WIPF1: variants seen among roughly 807,000 people sequenced by gnomAD.
WIPF1 encodes the protein WAS/WASL interacting protein family member 1.
A neutral mutation model predicts 35.4 loss-of-function variants in WIPF1; 13 were observed. The observed-to-expected ratio is 0.37, with a 90% CI of 0.24 to 0.58. WIPF1 has a LOEUF of 0.58. Ranked by LOEUF, WIPF1 falls within the 20% of genes least tolerant of loss-of-function variation. WIPF1 has a pLI of 0.74. For missense variants in WIPF1, 591 were observed against 667.0 expected, an observed-to-expected ratio of 0.89 and a Z score of 1.25; for synonymous variants, 267 against 266.3, an observed-to-expected ratio of 1.00 and a Z score of -0.02.
chr2:174,562,326 T>C lies in WIPF1; in HGVS notation c.*221A>G. On this transcript the variant is annotated 3_prime_UTR_variant, in exon 8 of 8. Transcript: ENST00000679041. ...ACCCCAGCAGCCAGCACAGGCAGGCTGCAGCTGAAGCAAGCAATAGCCTGG... is the reference window on the plus strand; with the variant it reads ...ACCCCAGCAGCCAGCACAGGCAGGCCGCAGCTGAAGCAAGCAATAGCCTGG... 1 of 1,488,320 alleles carries C rather than the reference T, an allele frequency of 6.7e-7. No homozygotes were observed. The highest frequency in any genetic ancestry group is 8.9e-7 in the Non-Finnish European group (1 of 1,117,480). The allele number at this position is 1,488,320 out of a possible 1,614,324, so 92.2% of individuals were successfully genotyped here.
At chr2:174,670,124 C>T (rs566573902) in intron 1 of WIPF1, among the ~76,000 whole-genome samples, 11 of 152,154 alleles carry the variant, frequency 7.2e-5, no homozygotes, top group Admixed American at 2.6e-4. Context: ...TTCCTGGCAC[C>T]GCCAGGAGTC....
intron 5 of WIPF1, among the ~76,000 whole-genome samples, chr2:174,569,724 T>A (rs1291517378): frequency 6.6e-6 from 1 of 152,204 alleles, no homozygotes; most frequent in African/African-American, 2.4e-5. Context: ...TTAATTCTTA[T>A]AACAACTCTG....
chr2:174,649,168 AG>A (rs1226480372), intron 1 of WIPF1, among the ~76,000 whole-genome samples: 1 of 152,190 alleles, frequency 6.6e-6, no homozygotes, highest in Non-Finnish European at 1.5e-5. Flanking sequence ...AGGCCATACT[AG>A]GGGTGATTCC....
intron 1 of WIPF1, among the ~76,000 whole-genome samples, chr2:174,642,503 C>T (rs769219544): frequency 5.9e-5 from 9 of 151,772 alleles, no homozygotes; most frequent in Non-Finnish European, 1.0e-4. Flanking sequence ...CCCACCACCA[C>T]GCCCGGCTAA....
At chr2:174,592,494 A>G (rs984332480) in intron 1 of WIPF1, among the ~76,000 whole-genome samples, 1 of 134,408 alleles carries the variant, frequency 7.4e-6, no homozygotes, top group African/African-American at 2.8e-5. Flanking sequence ...GGAATATTTT[A>G]TTTGCTGGGG....
At chr2:174,627,104 T>C (rs1256461241) in intron 1 of WIPF1, among the ~76,000 whole-genome samples, 1 of 152,206 alleles carries the variant, frequency 6.6e-6, no homozygotes, top group Admixed American at 6.5e-5. Flanking sequence ...ATTTTCTCCA[T>C]GACAGCTGCC....
intron 1 of WIPF1, among the ~76,000 whole-genome samples, chr2:174,654,840 C>T (rs1175488107): frequency 1.3e-5 from 2 of 152,168 alleles, no homozygotes; most frequent in African/African-American, 4.8e-5. Flanking sequence ...GACCCACTGC[C>T]ACAAACCTGG....
In WIPF1 at chr2:174,616,492, C is replaced by G. The variant is rs544540509; in HGVS notation, c.-38-30881G>C. On this transcript the variant is annotated intron_variant, in intron 1 of 8. Transcript: ENST00000272746. ...TCACATGGTTTCTCCCCTGCTGAGG[C>G]CTTTCCAGTCTTCCTTCCACAGTGT... is the stretch of plus-strand genomic sequence containing the variant. Among the ~76,000 whole-genome samples, 115 of 152,098 alleles carry G rather than the reference C, an allele frequency of 7.6e-4. 2 individuals are homozygous for G. The South Asian group carries it at 9.4e-3, about 12-fold the overall frequency.
chr2:174,562,698 A>G (rs1399881204), intron 7 of WIPF1, 96 bp from the exon 8 acceptor site: 1 of 1,501,692 alleles, frequency 6.7e-7, no homozygotes, highest in Non-Finnish European at 9.1e-7. Context: ...CCACTACCTC[A>G]TCCCTATGAC....
chr2:174,665,245 A>C (rs1048371075), intron 1 of WIPF1: 1 of 152,142 alleles, frequency 6.6e-6, no homozygotes, highest in African/African-American at 2.4e-5. Flanking sequence ...TTTACTACGA[A>C]GCAAACACCT....
rs537363514 is a variant in WIPF1, at chr2:174,584,826, C to T, written c.51+697G>A. 2.4e-4 allele frequency among the ~76,000 whole-genome samples: 37 copies of T among 151,620 alleles called. 1 individual carries two copies. The highest frequency in any genetic ancestry group is 8.0e-4 in the African/African-American group (33 of 41,266). On this transcript the variant is annotated intron_variant, in intron 2 of 7. Transcript: ENST00000679041. ...ACTTGGGAGGCTGAGGCAGGAGAAT[C>T]ACTTGAACGGGAGGTGGAAGTTGCG...
At chr2:174,681,345 G>T (rs1195979735) in intron 1 of WIPF1, among the ~76,000 whole-genome samples, 3 of 152,156 alleles carry the variant, frequency 2.0e-5, no homozygotes, top group Non-Finnish European at 4.4e-5. Flanking sequence ...TAGGCAGGTA[G>T]ACACACACAG....
intron 1 of WIPF1, among the ~76,000 whole-genome samples, chr2:174,624,450 A>G (rs1210864830): frequency 6.6e-6 from 1 of 152,200 alleles, no homozygotes; most frequent in Non-Finnish European, 1.5e-5. Flanking sequence ...GATGCTATCG[A>G]CAGGCCCCTA....
intron 1 of WIPF1, chr2:174,665,426 C>G (rs1208217871): frequency 2.4e-4 from 37 of 152,246 alleles, no homozygotes; most frequent in Admixed American, 2.4e-3. Context: ...ACCACCTCAT[C>G]AACCGTGAAA....
chr2:174,571,865 T>C lies in WIPF1; in HGVS notation c.940A>G (p.Ser314Gly), dbSNP rs746027265. Residue 314 changes from serine to glycine, a missense_variant, in exon 5 of 8, where the codon AGC (serine) becomes GGC (glycine). Physicochemically the swap from Ser to Gly is moderately conservative, Grantham distance 56 (BLOSUM62 0). Coordinates refer to ENST00000679041, the MANE Select transcript of WIPF1 (RefSeq NM_001375834.1). This position sits in a 1 kb window ranked among gnomAD's most constrained non-coding sequence, Gnocchi z 4.6. ...SQAPPPPPPP[S>G]RPGPPPLPPS... ...GGCAGAGGAGGCGGCCCGGGCCTGC[T>C]GGGAGGTGGCGGCGGAGGTGGGGCC... The C allele has an allele frequency of 1.9e-6, 3 of 1,612,756 alleles. No homozygotes were observed. The highest frequency in any genetic ancestry group is 1.7e-5 in the Admixed American group (1 of 59,918).
chr2:174,571,649 A>C lies in WIPF1; in HGVS notation c.1129+27T>G. The C allele has an allele frequency of 6.2e-7, 1 of 1,614,092 alleles. No individual in the cohort carries two copies. The highest frequency in any genetic ancestry group is 1.3e-5 in the African/African-American group (1 of 75,064). ...ACATTTGGGCAGGCTGGGTTTTGGA[A>C]GCAACTCACTCCACGTCTTGTCATA... On this transcript the variant is annotated intron_variant, in intron 5 of 7. Transcript: ENST00000679041. This position sits in a 1 kb window ranked among gnomAD's most constrained non-coding sequence, Gnocchi z 4.6.
chr2:174,607,492 A>G (rs1269760328), intron 1 of WIPF1, among the ~76,000 whole-genome samples: 3 of 152,232 alleles, frequency 2.0e-5, no homozygotes, highest in Non-Finnish European at 4.4e-5. Flanking sequence ...CAAGGGACAC[A>G]TACAAACTAC....
intron 7 of WIPF1, chr2:174,566,714 A>G (rs777840686): frequency 5.4e-6 from 1 of 186,298 alleles, no homozygotes; most frequent in East Asian, 1.4e-4. Context: ...GTTATAATTA[A>G]TCAGACATTA....
upstream of WIPF1, among the ~76,000 whole-genome samples, chr2:174,600,749 G>A (rs1007413504): frequency 6.6e-6 from 1 of 152,130 alleles, no homozygotes; most frequent in Non-Finnish European, 1.5e-5. Context: ...AGCTCTATGA[G>A]AGCAGGGACC....
Sources: gnomAD v4.1 joint callset for allele counts (sites outside exome capture counted in the v4.1 genomes callset) on GRCh38, gnomAD v4.1.1 for gene constraint, Gnocchi (gnomAD v3.1) non-coding constraint, MANE v1.5 for transcripts, NCBI Gene and HGNC (gene_info 2026-07-23, HGNC 2026-07-21) for gene names.